Variants in MYO16 observed in about 807,000 individuals in gnomAD.
The protein encoded by MYO16 is myosin XVI.
In MYO16, 94 loss-of-function variants were observed where a neutral mutation model predicts 205.3. The observed-to-expected ratio is 0.46, with a 90% CI of 0.39 to 0.54. MYO16 has a LOEUF of 0.54. Among genes scored for constraint, MYO16 ranks in the 20% least tolerant of loss-of-function variants. The pLI is 0.00. For missense variants in MYO16, 2,315 were observed against 2,387.5 expected (o/e 0.97, Z 0.63); for synonymous variants, 988 against 954.0 (o/e 1.04, Z -0.66).
chr13:108,881,438 A>G (rs1189629086), intron 12 of MYO16, among the ~76,000 whole-genome samples: 1 of 152,216 alleles, frequency 6.6e-6, no homozygotes, highest in Admixed American at 6.5e-5. Flanking sequence ...CTGGATGGAG[A>G]ATGACTTTGA....
upstream of MYO16, among the ~76,000 whole-genome samples, chr13:108,628,036 A>G (rs1387507985): frequency 6.6e-6 from 1 of 152,222 alleles, no homozygotes; most frequent in East Asian, 1.9e-4. Context: ...ATTTGTATTG[A>G]TTTAAAGAGG....
intron 12 of MYO16, among the ~76,000 whole-genome samples, chr13:108,867,670 T>C (rs778511458): frequency 1.3e-5 from 2 of 152,246 alleles, no homozygotes; most frequent in African/African-American, 2.4e-5. Context: ...AATATGTGTA[T>C]TGACGTATAA....
Position 108,904,572 on chromosome 13 carries a change from A to G in MYO16, c.1778-5431A>G, listed in dbSNP as rs190478901. 1.3e-3 allele frequency among the ~76,000 whole-genome samples: 204 copies of G among 152,324 alleles called. 1 individual carries two copies. Among genetic ancestry groups the G allele is most frequent in the African/African-American group, 4.7e-3 (194 of 41,584 alleles). On this transcript the variant is annotated intron_variant, in intron 15 of 34. Coordinates refer to ENST00000457511, the MANE Select transcript of MYO16 (RefSeq NM_001198950.3). The stretch of plus-strand genomic sequence containing the variant: ...GCATATTCATGTATGTTTTCCAAAA[A>G]GTTTTGGTCCTGAAAATATGTGTTT...
chr13:108,711,992 G>C (rs1005847901), intron 2 of MYO16, among the ~76,000 whole-genome samples: 43 of 152,286 alleles, frequency 2.8e-4, no homozygotes, highest in African/African-American at 8.9e-4. Flanking sequence ...AAGTAGCAGA[G>C]AATGGAACAC....
chr13:108,924,880 G>A (rs181460795), intron 16 of MYO16, among the ~76,000 whole-genome samples: 36 of 152,222 alleles, frequency 2.4e-4, no homozygotes, highest in Middle Eastern at 3.4e-3. Flanking sequence ...TCATAGCAGC[G>A]AATAAATGAT....
Position 109,140,946 on chromosome 13 carries a change from C to T in MYO16, c.4734C>T (p.Pro1578=), listed in dbSNP as rs1365755789. The T allele has an allele frequency of 7.2e-6, 11 of 1,531,266 alleles. No homozygotes were observed. The African/African-American group carries it at 1.1e-4, about 16-fold the overall frequency. 94.9% of individuals were successfully genotyped at this position (1,531,266 alleles called of 1,614,324 possible). Residue 1578 remains proline (P), a synonymous_variant, in exon 32 of 35, where the codon CCC becomes CCT. Transcript: ENST00000457511. The surrounding 1 kb of genome is among the most constrained non-coding windows in gnomAD (Gnocchi z 8.0). ...QKGDGDRPAS[P]GLALFNGSGR... is the part of the protein sequence containing the mutation. ...GCGACGGCGACAGGCCCGCGTCCCCCGGCCTGGCGCTGTTCAACGGGTCCG... is the reference window on the plus strand; with the variant it reads ...GCGACGGCGACAGGCCCGCGTCCCCTGGCCTGGCGCTGTTCAACGGGTCCG...
chr13:108,905,197 C>T (rs1384034777), intron 15 of MYO16, among the ~76,000 whole-genome samples: 1 of 152,128 alleles, frequency 6.6e-6, no homozygotes, highest in East Asian at 1.9e-4. Context: ...TTTGTAAACT[C>T]AGGTGAATAG....
At chr13:108,599,079 A>G (rs922424114) in intron 1 of MYO16, among the ~76,000 whole-genome samples, 6 of 148,150 alleles carry the variant, frequency 4.0e-5, no homozygotes, top group African/African-American at 1.0e-4. Flanking sequence ...TCTATGAGTG[A>G]GAACATGTGT....
At chr13:108,802,203 T>C (rs1032842754) in intron 6 of MYO16, among the ~76,000 whole-genome samples, 1 of 152,210 alleles carries the variant, frequency 6.6e-6, no homozygotes, top group Admixed American at 6.5e-5. Flanking sequence ...TGCTGTCTAG[T>C]TGAAACTTCG....
chr13:108,750,560 G>A (rs1475933751), intron 4 of MYO16, among the ~76,000 whole-genome samples: 2 of 149,036 alleles, frequency 1.3e-5, no homozygotes, highest in Non-Finnish European at 3.0e-5. Flanking sequence ...GTTGAGGTCA[G>A]GAGTTCGAGA....
the MYO16 span, among the ~76,000 whole-genome samples, chr13:108,501,985 G>A: frequency 7.2e-5 from 11 of 152,242 alleles, no homozygotes; most frequent in Middle Eastern, 3.4e-3. Flanking sequence ...AGGCCGAGGC[G>A]GGCGGATCAC....
chr13:109,117,639 A>G (rs1169029198), intron 28 of MYO16, among the ~76,000 whole-genome samples: 1 of 151,852 alleles, frequency 6.6e-6, no homozygotes, highest in African/African-American at 2.4e-5. Context: ...CCCTAAAGGA[A>G]GTGGAAAGGT....
At chr13:108,953,017 G>A (rs1424634791) in intron 16 of MYO16, among the ~76,000 whole-genome samples, 1 of 152,078 alleles carries the variant, frequency 6.6e-6, no homozygotes, top group Non-Finnish European at 1.5e-5. Context: ...CATCTGTGGA[G>A]CTGAAGCGAG....
chr13:108,704,514 A>T (rs1280768110), intron 2 of MYO16, among the ~76,000 whole-genome samples: 9 of 152,170 alleles, frequency 5.9e-5, no homozygotes, highest in Admixed American at 1.3e-4. Flanking sequence ...AATATATTTT[A>T]AAAAAGAATT....
chr13:108,864,391 A>T (rs1369652935), intron 11 of MYO16, among the ~76,000 whole-genome samples: 2 of 152,142 alleles, frequency 1.3e-5, no homozygotes, highest in African/African-American at 4.8e-5. Context: ...TTATTTGCAG[A>T]TATATTGTAA....
chr13:108,939,276 G>A (rs373206747), intron 16 of MYO16, among the ~76,000 whole-genome samples: 27 of 152,244 alleles, frequency 1.8e-4, no homozygotes, highest in African/African-American at 5.5e-4. Flanking sequence ...GTAACTCCCC[G>A]AGTTAACTTC....
At chr13:108,707,820 T>C (rs1310977271) in intron 2 of MYO16, among the ~76,000 whole-genome samples, 4 of 152,186 alleles carry the variant, frequency 2.6e-5, no homozygotes, top group Non-Finnish European at 5.9e-5. Context: ...GCAGTGTGTG[T>C]GCATGTGTTT....
chr13:108,741,656 G>A (rs1013769189), intron 4 of MYO16, among the ~76,000 whole-genome samples: 1 of 152,158 alleles, frequency 6.6e-6, no homozygotes. Context: ...TTATTTTGGG[G>A]TTACAAATAA....
intron 4 of MYO16, among the ~76,000 whole-genome samples, chr13:108,774,109 C>CAATAA (rs148069280): frequency 1.2e-4 from 18 of 151,652 alleles, no homozygotes; most frequent in Middle Eastern, 3.4e-3. Context: ...AAATAAATAA[C>CAATAA]AATAAAATAA....
Sources: gnomAD v4.1 joint callset for allele counts (sites outside exome capture counted in the v4.1 genomes callset) on GRCh38, gnomAD v4.1.1 for gene constraint, Gnocchi (gnomAD v3.1) non-coding constraint, MANE v1.5 for transcripts, NCBI Gene and HGNC (gene_info 2026-07-23, HGNC 2026-07-21) for gene names.